Variants in MBD5 observed in about 807,000 individuals in gnomAD.
The protein encoded by MBD5 is methyl-CpG-binding domain protein 5.
Under a neutral mutation model 117.3 loss-of-function variants are expected in MBD5, and 13 were observed. The ratio of observed to expected loss-of-function variants is 0.11; its 90% confidence interval spans 0.07 to 0.18. MBD5 has a LOEUF of 0.18. MBD5 is among the 10% of genes least tolerant of loss of function. The pLI, the probability that MBD5 is intolerant of heterozygous loss-of-function variation, is 1.00. For missense variants in MBD5, 1,879 were observed against 2,093.8 expected (o/e 0.90, Z 2.00); for synonymous variants, 727 against 766.4 (o/e 0.95, Z 0.85).
intron 4 of MBD5, among the ~76,000 whole-genome samples, chr2:148,345,418 C>CATATATACACATATGCATATGT (rs1703076121): frequency 7.5e-6 from 1 of 133,128 alleles, no homozygotes; most frequent in African/African-American, 3.2e-5. Context: ...TATACATATA[C>CATATATACACATATGCATATGT]ATATATACAC....
chr2:148,509,507 C>T (rs1018540310), intron 12 of MBD5, among the ~76,000 whole-genome samples: 2 of 152,204 alleles, frequency 1.3e-5, no homozygotes, highest in Non-Finnish European at 2.9e-5. Context: ...GGGCAGGCTC[C>T]GGAGCCTCAG....
chr2:148,182,850 A>G (rs1698561229), intron 2 of MBD5, among the ~76,000 whole-genome samples: 1 of 152,074 alleles, frequency 6.6e-6, no homozygotes, highest in African/African-American at 2.4e-5. Flanking sequence ...TTCACAGGAA[A>G]TCTCAGTGCC....
intron 1 of MBD5, among the ~76,000 whole-genome samples, chr2:148,040,018 C>T (rs1233927413): frequency 6.6e-6 from 1 of 151,842 alleles, no homozygotes; most frequent in Non-Finnish European, 1.5e-5. Context: ...CCCATCTCTA[C>T]AAAAAATTTA....
At chr2:148,406,054 G>A (rs991764739) in intron 4 of MBD5, among the ~76,000 whole-genome samples, 2 of 152,096 alleles carry the variant, frequency 1.3e-5, no homozygotes, top group Admixed American at 6.6e-5. Context: ...AATTAGCCAG[G>A]AGTGGTGGTA....
At position 148,185,579 on chromosome 2, in the gene MBD5, G is replaced by C. The variant is rs1698634362; in HGVS notation, c.-831+6786G>C. 2.0e-5 allele frequency among the ~76,000 whole-genome samples: 3 copies of C among 152,274 alleles called. No individual in the cohort carries two copies. In the South Asian group the frequency reaches 6.2e-4, roughly 32 times the overall value. On this transcript the variant is annotated intron_variant, in intron 2 of 13. Transcript: ENST00000642680. ...ACATAGTCATGGAATAAACTATTCTGAGTAATACACTACTGATTTCTGGTT... is the reference window on the plus strand; with the variant it reads ...ACATAGTCATGGAATAAACTATTCTCAGTAATACACTACTGATTTCTGGTT...
At chr2:148,110,657 T>C (rs1003084351) in intron 1 of MBD5, among the ~76,000 whole-genome samples, 1 of 152,072 alleles carries the variant, frequency 6.6e-6, no homozygotes, top group Admixed American at 6.5e-5. Context: ...TTTTTTAATA[T>C]ACTTTCTTGT....
Position 148,513,204 on chromosome 2 carries a change from T to G in MBD5, c.*263T>G. ...TTACTGAGAAACTCTTTTTCTATAA[T>G]ACTAAATTGTGATTATAAGAAATAG... On this transcript the variant is annotated 3_prime_UTR_variant, in exon 14 of 14. Transcript: ENST00000642680. 1 of 449,596 alleles carries G rather than the reference T, an allele frequency of 2.2e-6. No homozygotes were observed. The highest frequency in any genetic ancestry group is 4.0e-6 in the Non-Finnish European group (1 of 247,788). The allele number at this position is 449,596 out of a possible 1,614,324, so 27.9% of individuals were successfully genotyped here.
chr2:148,218,660 T>C (rs995517666), intron 2 of MBD5, among the ~76,000 whole-genome samples: 1 of 152,234 alleles, frequency 6.6e-6, no homozygotes, highest in Non-Finnish European at 1.5e-5. Flanking sequence ...CTATAGGGTA[T>C]AGCCTATTGC....
chr2:148,075,536 A>G (rs1036300176), intron 1 of MBD5, among the ~76,000 whole-genome samples: 4 of 152,190 alleles, frequency 2.6e-5, no homozygotes, highest in Admixed American at 2.6e-4. Flanking sequence ...TTACTACATT[A>G]TCACACTTCT....
intron 11 of MBD5, among the ~76,000 whole-genome samples, chr2:148,494,942 G>A (rs909317794): frequency 6.6e-6 from 1 of 152,068 alleles, no homozygotes; most frequent in Non-Finnish European, 1.5e-5. Context: ...CAGCCTGGGC[G>A]ACAGAGCGAG....
chr2:148,124,791 A>G (rs1696851516), intron 1 of MBD5, among the ~76,000 whole-genome samples: 1 of 152,044 alleles, frequency 6.6e-6, no homozygotes, highest in East Asian at 1.9e-4. Context: ...GTATCCTACA[A>G]TTGATGTATC....
intron 1 of MBD5, among the ~76,000 whole-genome samples, chr2:148,122,160 C>T (rs1558934717): frequency 6.6e-6 from 1 of 152,150 alleles, no homozygotes. Context: ...TTGAGCACAA[C>T]TCCTAATACA....
At chr2:148,046,632 CTTCCTAA>C (rs1182324977) in intron 1 of MBD5, among the ~76,000 whole-genome samples, 1 of 152,094 alleles carries the variant, frequency 6.6e-6, no homozygotes, top group African/African-American at 2.4e-5. Flanking sequence ...AATTGTTTTC[CTTCCTAA>C]TTCCTAAGTC....
chr2:148,354,134 G>C (rs1033623896), intron 4 of MBD5, among the ~76,000 whole-genome samples: 3 of 152,030 alleles, frequency 2.0e-5, no homozygotes, highest in Admixed American at 1.3e-4. Flanking sequence ...TGGAATACAT[G>C]TGCAGAACAT....
intron 3 of MBD5, among the ~76,000 whole-genome samples, chr2:148,302,953 T>A (rs1310030588): frequency 2.0e-5 from 3 of 149,526 alleles, no homozygotes; most frequent in African/African-American, 7.3e-5. Flanking sequence ...TTATATCATA[T>A]ATACATTATA....
intron 11 of MBD5, among the ~76,000 whole-genome samples, chr2:148,492,404 T>C (rs138607778): frequency 0.015 from 2,279 of 152,062 alleles, 67 homozygotes; most frequent in African/African-American, 0.053. Context: ...AACCTTTATA[T>C]CAAGATATAC....
At chr2:148,400,034 T>C (rs1260182959) in intron 4 of MBD5, among the ~76,000 whole-genome samples, 1 of 152,190 alleles carries the variant, frequency 6.6e-6, no homozygotes, top group Admixed American at 6.5e-5. Flanking sequence ...AGCTTTTTGA[T>C]GTGCTGCTGG....
intron 3 of MBD5, among the ~76,000 whole-genome samples, chr2:148,289,481 T>C (rs1266281876): frequency 6.6e-6 from 1 of 152,158 alleles, no homozygotes; most frequent in Non-Finnish European, 1.5e-5. Flanking sequence ...AAACAACTAA[T>C]CAATGTATGT....
rs536437548 is a variant in MBD5 at position 148,247,668 on chromosome 2, T to C, written c.-680+14273T>C. Among the ~76,000 whole-genome samples the C allele has an allele frequency of 2.0e-5, 3 of 152,270 alleles. No homozygotes were observed. In the East Asian group the frequency reaches 5.8e-4, roughly 29 times the overall value. On this transcript the variant is annotated intron_variant, in intron 3 of 13. Transcript: ENST00000642680. ...ATAAGAGCCAACAATTAACAGTCTT[T>C]TCCTTGGGGTTATGTGGAGGGTGGG...
Sources: gnomAD v4.1 joint callset for allele counts (sites outside exome capture counted in the v4.1 genomes callset) on GRCh38, gnomAD v4.1.1 for gene constraint, MANE v1.5 for transcripts, NCBI Gene and HGNC (gene_info 2026-07-23, HGNC 2026-07-21) for gene names.